LRMDA: variants seen among roughly 807,000 people sequenced by gnomAD.
LRMDA encodes leucine rich melanocyte differentiation associated.
A neutral mutation model predicts 29.8 loss-of-function variants in LRMDA; 18 were observed. The observed-to-expected ratio is 0.60, with a 90% CI of 0.42 to 0.90. LRMDA has a LOEUF of 0.90. LRMDA is among the 40% of genes least tolerant of loss of function. LRMDA has a pLI of 0.00. For synonymous variants in LRMDA, 125 were observed against 109.4 expected (o/e 1.14, Z -0.89); for missense variants, 273 against 273.9 (o/e 1.00, Z 0.02).
intron 2 of LRMDA, among the ~76,000 whole-genome samples, chr10:75,444,700 T>C (rs1165995789): frequency 1.3e-5 from 2 of 152,194 alleles, no homozygotes; most frequent in African/African-American, 4.8e-5. Context: ...TAAGATAATT[T>C]TTATAAGAGT....
At chr10:76,328,412 T>G (rs941325189) in intron 6 of LRMDA, among the ~76,000 whole-genome samples, 1 of 152,120 alleles carries the variant, frequency 6.6e-6, no homozygotes, top group Non-Finnish European at 1.5e-5. Flanking sequence ...CCCTGTAAAG[T>G]GAGGAGTGCA....
Position 76,382,928 on chromosome 10 carries a change from C to G in LRMDA, c.601+58443C>G, listed in dbSNP as rs556768666. On this transcript the variant is annotated intron_variant, in intron 6 of 6. Transcript: ENST00000611255. Reference sequence around the variant, plus strand: ...ACGAAGAGAAGGAAGAGAAATACAGCCAGCACACTGTTTGTAAGTGCCTTT... The same window carrying G: ...ACGAAGAGAAGGAAGAGAAATACAGGCAGCACACTGTTTGTAAGTGCCTTT... Among the ~76,000 whole-genome samples, 12 of 152,314 alleles carry G rather than the reference C, an allele frequency of 7.9e-5. No homozygotes were observed. In the South Asian group the frequency reaches 2.5e-3, roughly 32 times the overall value.
At chr10:75,663,564 T>G (rs1178023037) in intron 2 of LRMDA, among the ~76,000 whole-genome samples, 2 of 152,060 alleles carry the variant, frequency 1.3e-5, no homozygotes, top group South Asian at 2.1e-4. Context: ...GACTGTTATG[T>G]TGAAGCCCTG....
intron 5 of LRMDA, among the ~76,000 whole-genome samples, chr10:76,118,607 T>C (rs1294038041): frequency 6.6e-6 from 1 of 151,902 alleles, no homozygotes; most frequent in Non-Finnish European, 1.5e-5. Context: ...ATAAGAAAAA[T>C]GTAGAGTGCA....
intron 2 of LRMDA, among the ~76,000 whole-genome samples, chr10:75,448,340 T>C (rs1483081703): frequency 6.6e-6 from 1 of 152,146 alleles, no homozygotes; most frequent in African/African-American, 2.4e-5. Context: ...CCTGAGCTGT[T>C]GGAATTTGGG....
chr10:76,156,439 T>C (rs138512681), intron 5 of LRMDA, among the ~76,000 whole-genome samples: 15 of 152,206 alleles, frequency 9.9e-5, no homozygotes, highest in African/African-American at 3.6e-4. Context: ...CCAAACAGTG[T>C]CATAAAAGAG....
At chr10:75,546,036 G>A (rs571710428) in intron 2 of LRMDA, among the ~76,000 whole-genome samples, 4 of 152,124 alleles carry the variant, frequency 2.6e-5, no homozygotes, top group South Asian at 4.1e-4. Context: ...GAAGGTCTTG[G>A]GCTTCTGCTC....
intron 2 of LRMDA, among the ~76,000 whole-genome samples, chr10:75,925,621 G>GTGGTGGTAATGGTGGCAGTGA: frequency 6.6e-6 from 1 of 152,026 alleles, no homozygotes; most frequent in African/African-American, 2.4e-5. Flanking sequence ...GGTGGCAGTG[G>GTGGTGGTAATGGTGGCAGTGA]TGGTGGTAAT....
At chr10:75,482,951 CTT>C (rs1284738159) in intron 2 of LRMDA, among the ~76,000 whole-genome samples, 2 of 145,498 alleles carry the variant, frequency 1.4e-5, no homozygotes, top group African/African-American at 2.6e-5. Context: ...TCCTTTCCTT[CTT>C]TTTTTTTTTG....
intron 2 of LRMDA, among the ~76,000 whole-genome samples, chr10:75,538,597 TTTTGTTTG>T (rs149300688): frequency 0.026 from 3,963 of 151,340 alleles, 172 homozygotes; most frequent in African/African-American, 0.087. Flanking sequence ...CATTGAGTAG[TTTTGTTTG>T]TTTGTTTGTT....
intron 5 of LRMDA, among the ~76,000 whole-genome samples, chr10:76,236,716 C>T (rs1852158761): frequency 6.6e-6 from 1 of 152,204 alleles, no homozygotes; most frequent in Non-Finnish European, 1.5e-5. Flanking sequence ...CCATGAACAT[C>T]AGGCAGCAAA....
At chr10:76,138,466 C>G (rs1335538887) in intron 5 of LRMDA, among the ~76,000 whole-genome samples, 3 of 152,104 alleles carry the variant, frequency 2.0e-5, no homozygotes, top group African/African-American at 7.2e-5. Context: ...GCTTGCCTCC[C>G]CCAGGTCAGG....
At chr10:76,208,799 ACT>A (rs1851584110) in intron 5 of LRMDA, among the ~76,000 whole-genome samples, 1 of 151,320 alleles carries the variant, frequency 6.6e-6, no homozygotes, top group Non-Finnish European at 1.5e-5. Context: ...CTTTCACCAC[ACT>A]CTGCTCAGTA....
intron 2 of LRMDA, among the ~76,000 whole-genome samples, chr10:75,562,187 A>G (rs1358339577): frequency 5.3e-5 from 8 of 152,134 alleles, no homozygotes; most frequent in Non-Finnish European, 1.2e-4. Context: ...TAGGTCATTC[A>G]GGACTTGCTT....
intron 5 of LRMDA, among the ~76,000 whole-genome samples, chr10:76,315,774 G>T (rs1456752379): frequency 6.6e-6 from 1 of 151,976 alleles, no homozygotes; most frequent in African/African-American, 2.4e-5. Context: ...AAGCCTGGGG[G>T]CCGGGCTGCC....
chr10:76,319,257 T>C (rs1418776873), intron 5 of LRMDA: 1 of 152,236 alleles, frequency 6.6e-6, no homozygotes, highest in Non-Finnish European at 1.5e-5. Context: ...ACCCATCCTA[T>C]TATCATGAAT....
intron 2 of LRMDA, among the ~76,000 whole-genome samples, chr10:75,970,473 G>A (rs767519775): frequency 4.6e-5 from 7 of 152,186 alleles, no homozygotes; most frequent in Non-Finnish European, 7.3e-5. Context: ...AAGTTCTGCT[G>A]CTCAAACATT....
chr10:75,831,522 G>A (rs1784565595), intron 2 of LRMDA, among the ~76,000 whole-genome samples: 1 of 152,180 alleles, frequency 6.6e-6, no homozygotes, highest in African/African-American at 2.4e-5. Context: ...AGTGTCTGCA[G>A]CTTTTCCAGG....
intron 2 of LRMDA, among the ~76,000 whole-genome samples, chr10:75,987,087 C>T (rs1847274235): frequency 6.6e-6 from 1 of 152,030 alleles, no homozygotes; most frequent in African/African-American, 2.4e-5. Flanking sequence ...TTTAAGAGAG[C>T]AGCCCTCAGG....
Sources: allele counts gnomAD v4.1 joint callset (sites outside exome capture counted in the v4.1 genomes callset), GRCh38; gene constraint gnomAD v4.1.1; transcripts MANE v1.5; gene names NCBI Gene and HGNC (gene_info 2026-07-23, HGNC 2026-07-21).